The following PPP2R2C variants were observed in gnomAD, a reference collection of about 807,000 sequenced individuals.
PPP2R2C encodes protein phosphatase 2 regulatory subunit Bgamma, also known as protein phosphatase 2, regulatory subunit B, gamma.
In PPP2R2C, 10 loss-of-function variants were observed where a neutral mutation model predicts 45.3. The observed-to-expected ratio is 0.22, with a 90% CI of 0.14 to 0.37. The LOEUF is 0.37. Among genes scored for constraint, PPP2R2C ranks in the 10% least tolerant of loss-of-function variants. The pLI, the probability that PPP2R2C is intolerant of heterozygous loss-of-function variation, is 1.00. For missense variants in PPP2R2C, 308 were observed against 619.7 expected, an observed-to-expected ratio of 0.50 and a Z score of 5.34; for synonymous variants, 257 against 245.4, an observed-to-expected ratio of 1.05 and a Z score of -0.44.
chr4:6,448,440 T>G (rs1720548861), intron 1 of PPP2R2C, among the ~76,000 whole-genome samples: 1 of 152,078 alleles, frequency 6.6e-6, no homozygotes, highest in Admixed American at 6.5e-5. Context: ...GGGACCTTCC[T>G]GCCCCCACCA....
intron 1 of PPP2R2C, among the ~76,000 whole-genome samples, chr4:6,544,324 C>T (rs1204234650): frequency 1.3e-5 from 2 of 152,142 alleles, no homozygotes; most frequent in African/African-American, 4.8e-5. Context: ...TAGATGAATG[C>T]TTTCCTGGTT....
intron 2 of PPP2R2C, among the ~76,000 whole-genome samples, chr4:6,530,018 T>C (rs946913046): frequency 1.3e-5 from 2 of 152,084 alleles, no homozygotes; most frequent in African/African-American, 4.8e-5. Context: ...CAGAGAATCA[T>C]TCACCACAGC....
chr4:6,554,618 G>A (rs1725300325), intron 1 of PPP2R2C, among the ~76,000 whole-genome samples: 1 of 152,114 alleles, frequency 6.6e-6, no homozygotes, highest in African/African-American at 2.4e-5. Context: ...CCAGCACTTT[G>A]GGAGGCCAAG....
chr4:6,463,597 CG>C (rs1721440880), intron 1 of PPP2R2C, among the ~76,000 whole-genome samples: 1 of 152,228 alleles, frequency 6.6e-6, no homozygotes, highest in South Asian at 2.1e-4. Flanking sequence ...GTCCTGCTCC[CG>C]GGCCGGCTGG....
intron 2 of PPP2R2C, among the ~76,000 whole-genome samples, chr4:6,520,474 CA>C (rs1350941840): frequency 2.0e-5 from 3 of 152,216 alleles, no homozygotes; most frequent in Non-Finnish European, 2.9e-5. Flanking sequence ...TCAATACTGT[CA>C]GGGTGACAAA....
In PPP2R2C at chr4:6,419,870, C is replaced by T. The variant is rs193255005; in HGVS notation, c.71-38776G>A. ...TCACACGGCCTTCCTCTCCCTGTGT[C>T]TCTGTGTGTCCTCTCCTTAGAAGGA... On this transcript the variant is annotated intron_variant, in intron 1 of 8. Transcript: ENST00000382599. Among the ~76,000 whole-genome samples the T allele has an allele frequency of 1.2e-3, 181 of 152,310 alleles. No individual in the cohort carries two copies. The Middle Eastern group carries it at 0.014, about 11-fold the overall frequency.
chr4:6,354,637 C>T (rs191152535), intron 5 of PPP2R2C, among the ~76,000 whole-genome samples: 1 of 151,886 alleles, frequency 6.6e-6, no homozygotes, highest in East Asian at 1.9e-4. Flanking sequence ...ACTCTGTTCA[C>T]GGTCATTTGC....
At chr4:6,456,704 G>C (rs1053230719) in intron 1 of PPP2R2C, among the ~76,000 whole-genome samples, 4 of 152,158 alleles carry the variant, frequency 2.6e-5, no homozygotes, top group Non-Finnish European at 5.9e-5. Context: ...GGTGAACCAC[G>C]GGCTGCCTTC....
In PPP2R2C at chr4:6,342,346, C is replaced by T. The variant is rs186879689; in HGVS notation, c.790+5500G>A. On this transcript the variant is annotated intron_variant, in intron 6 of 8. Coordinates refer to ENST00000382599, the MANE Select transcript of PPP2R2C (RefSeq NM_020416.4). ...CTGCATTCAGGCACTGTCTGAACCC[C>T]TAACTCCCACATCATTCCAGGGTCA... is the stretch of plus-strand genomic sequence containing the variant. Among the ~76,000 whole-genome samples, 28 of 152,242 alleles carry T rather than the reference C, an allele frequency of 1.8e-4. No individual in the cohort carries two copies. In the East Asian group the frequency reaches 4.8e-3, roughly 26 times the overall value.
chr4:6,513,456 G>A (rs1196641583), intron 2 of PPP2R2C, among the ~76,000 whole-genome samples: 1 of 152,168 alleles, frequency 6.6e-6, no homozygotes. Context: ...GGGTGGAACA[G>A]GGGGTGAAGA....
intron 2 of PPP2R2C, among the ~76,000 whole-genome samples, chr4:6,531,254 G>A (rs1057034293): frequency 2.0e-5 from 3 of 152,204 alleles, no homozygotes; most frequent in African/African-American, 4.8e-5. Context: ...CATGTTCTGA[G>A]GGTGCAGATG....
chr4:6,338,766 G>A (rs938145352), intron 6 of PPP2R2C, among the ~76,000 whole-genome samples: 1 of 152,088 alleles, frequency 6.6e-6, no homozygotes, highest in African/African-American at 2.4e-5. Flanking sequence ...CTGGGGGTGG[G>A]TGTCTCCTCA....
rs890089230 is a variant in PPP2R2C at position 6,530,070 on chromosome 4, C to T, written c.49+5201G>A. Among the ~76,000 whole-genome samples, 80 of 152,232 alleles carry T rather than the reference C, an allele frequency of 5.3e-4. 1 individual carries two copies. The highest frequency in any genetic ancestry group is 3.4e-3 in the Middle Eastern group (1 of 294). On this transcript the variant is annotated intron_variant, in intron 2 of 9. Transcript: ENST00000506140. ...CAGATTCACAAACCACAAGGCACCACGCCTGCTTTACAGGAACCCCAGGAA... is the reference window on the plus strand; with the variant it reads ...CAGATTCACAAACCACAAGGCACCATGCCTGCTTTACAGGAACCCCAGGAA...
At chr4:6,427,992 A>G (rs922466720) in intron 1 of PPP2R2C, among the ~76,000 whole-genome samples, 4 of 152,222 alleles carry the variant, frequency 2.6e-5, no homozygotes, top group Non-Finnish European at 4.4e-5. Flanking sequence ...GGAACGAGCT[A>G]GACAGCAGAA....
chr4:6,410,303 G>A (rs749128535), intron 1 of PPP2R2C, among the ~76,000 whole-genome samples: 3 of 152,168 alleles, frequency 2.0e-5, no homozygotes, highest in South Asian at 2.1e-4. Flanking sequence ...AAACCTCAGC[G>A]TGTGATTTAA....
In PPP2R2C at chr4:6,368,730, G is replaced by A. The variant is rs560991683; in HGVS notation, c.625+3793C>T. ...CTCATTCCTCCACCGCCTCCCACCCGTGGCCACGCTCTGGCCCTGCCTCTC... is the reference window on the plus strand; with the variant it reads ...CTCATTCCTCCACCGCCTCCCACCCATGGCCACGCTCTGGCCCTGCCTCTC... On this transcript the variant is annotated intron_variant, in intron 5 of 8. Coordinates refer to ENST00000382599, the MANE Select transcript of PPP2R2C (RefSeq NM_020416.4). The surrounding 1 kb of genome is among the most constrained non-coding windows in gnomAD (Gnocchi z 4.2). 2.0e-5 allele frequency among the ~76,000 whole-genome samples: 3 copies of A among 152,002 alleles called. No homozygotes were observed. The highest frequency in any genetic ancestry group is 2.1e-4 in the South Asian group (1 of 4,794).
chr4:6,462,717 G>GCT (rs1395790208), intron 1 of PPP2R2C, among the ~76,000 whole-genome samples: 1 of 152,152 alleles, frequency 6.6e-6, no homozygotes, highest in Non-Finnish European at 1.5e-5. Context: ...TTGTGAGGTG[G>GCT]GATAACAGCA....
chr4:6,507,176 G>A (rs1196259870), intron 2 of PPP2R2C, among the ~76,000 whole-genome samples: 1 of 152,182 alleles, frequency 6.6e-6, no homozygotes, highest in Non-Finnish European at 1.5e-5. Flanking sequence ...GCAATGCCTG[G>A]TGTAGACATC....
At chr4:6,381,890 C>T (rs1715826257) in intron 1 of PPP2R2C, 1 of 1,601,504 alleles carries the variant, frequency 6.2e-7, no homozygotes, top group Admixed American at 1.7e-5. Flanking sequence ...GGGAACACCC[C>T]TTCCATCACC....
Sources: gnomAD v4.1 joint callset for allele counts (sites outside exome capture counted in the v4.1 genomes callset) on GRCh38, gnomAD v4.1.1 for gene constraint, Gnocchi (gnomAD v3.1) non-coding constraint, MANE v1.5 for transcripts, NCBI Gene and HGNC (gene_info 2026-07-23, HGNC 2026-07-21) for gene names.